KLHDC4: variants seen among roughly 807,000 people sequenced by gnomAD.
KLHDC4 encodes the protein kelch domain-containing protein 4.
KLHDC4 carries 90 observed loss-of-function variants against 62.4 expected under a neutral mutation model. The ratio of observed to expected loss-of-function variants is 1.44; its 90% confidence interval spans 1.22 to 1.72. KLHDC4 has a LOEUF of 1.72. KLHDC4 is among the 40% of genes most tolerant of loss of function. The pLI is 0.00. For synonymous variants in KLHDC4, 386 were observed against 284.4 expected (o/e 1.36, Z -3.59); for missense variants, 1,025 against 699.7 (o/e 1.47, Z -5.25).
chr16:87,739,135 C>G (rs1401047293), intron 5 of KLHDC4, among the ~76,000 whole-genome samples: 4 of 123,350 alleles, frequency 3.2e-5, no homozygotes, highest in Admixed American at 7.8e-5. Flanking sequence ...ACACCAGCAC[C>G]TCATCCATCC....
chr16:87,710,461 C>T (rs1257249911), intron 9 of KLHDC4: 1 of 152,202 alleles, frequency 6.6e-6, no homozygotes, highest in African/African-American at 2.4e-5. Flanking sequence ...AAAGGGAAAG[C>T]TCTCTGAGGT....
chr16:87,703,001 G>A (rs1273755311), downstream of KLHDC4: 2 of 152,220 alleles, frequency 1.3e-5, no homozygotes, highest in Non-Finnish European at 2.9e-5. Flanking sequence ...AAACAACACT[G>A]TCAAGATTAA....
chr16:87,705,257 G>A (rs928254199), downstream of KLHDC4, among the ~76,000 whole-genome samples: 2 of 152,256 alleles, frequency 1.3e-5, no homozygotes, highest in Admixed American at 6.5e-5. Flanking sequence ...TGGCTATCTG[G>A]CCACCAAGTA....
intron 1 of KLHDC4, among the ~76,000 whole-genome samples, chr16:87,764,910 C>T (rs1477920989): frequency 6.6e-6 from 1 of 151,060 alleles, no homozygotes; most frequent in Non-Finnish European, 1.5e-5. Context: ...GAGATGAGGA[C>T]ATGGAGAGAT....
downstream of KLHDC4, among the ~76,000 whole-genome samples, chr16:87,705,547 T>A (rs2034563479): frequency 6.6e-6 from 1 of 152,264 alleles, no homozygotes; most frequent in Admixed American, 6.5e-5. Flanking sequence ...AGTTTCTTCC[T>A]CAGGGCTGCT....
Position 87,755,172 on chromosome 16 carries a change from TGA to T in KLHDC4, c.369+20_369+21del, listed in dbSNP as rs771423035. On this transcript the variant is annotated intron_variant, in intron 4 of 11. Coordinates refer to ENST00000270583, the MANE Select transcript of KLHDC4 (RefSeq NM_017566.4). ...CCCACGTGGGAAGAGGGAGGGTGGC[TGA>T]GAGTCAGTGCTGACATTACCTGGTG... The T allele has an allele frequency of 6.5e-7, 1 of 1,534,222 alleles. No homozygotes were observed. Among genetic ancestry groups the T allele is most frequent in the East Asian group, 2.2e-5 (1 of 44,468 alleles).
intron 5 of KLHDC4, among the ~76,000 whole-genome samples, chr16:87,748,354 C>G (rs1375948973): frequency 6.6e-6 from 1 of 152,174 alleles, no homozygotes; most frequent in Non-Finnish European, 1.5e-5. Flanking sequence ...GCTGGGCACC[C>G]AGAGCTGCCT....
chr16:87,711,002 G>A (rs2035694042), intron 9 of KLHDC4: 1 of 535,344 alleles, frequency 1.9e-6, no homozygotes, highest in African/African-American at 1.9e-5. Context: ...CAGGGCAACT[G>A]GCTTCTGAGG....
chr16:87,699,245 G>A (rs2034030686), exon 1 of KLHDC4: 1 of 152,280 alleles, frequency 6.6e-6, no homozygotes. Flanking sequence ...AAGTTCAGTA[G>A]CGCACAGAAT....
chr16:87,703,264 T>C (rs1023401424), downstream of KLHDC4: 1 of 152,022 alleles, frequency 6.6e-6, no homozygotes, highest in Admixed American at 6.6e-5. Flanking sequence ...GTGAGTTCCA[T>C]GGCGTCCCCG....
chr16:87,720,093 G>C (rs1475987351), intron 7 of KLHDC4, among the ~76,000 whole-genome samples: 1 of 152,170 alleles, frequency 6.6e-6, no homozygotes, highest in Non-Finnish European at 1.5e-5. Context: ...TGTCGGCTCA[G>C]ACGCCGACCC....
exon 1 of KLHDC4, chr16:87,701,887 G>C: frequency 2.2e-6 from 1 of 456,488 alleles, no homozygotes; most frequent in Non-Finnish European, 4.4e-6. Context: ...CCCAGGGAGT[G>C]GAGGATGGGG....
exon 1 of KLHDC4, chr16:87,701,970 A>C (rs926813681): frequency 2.2e-6 from 1 of 456,072 alleles, no homozygotes; most frequent in South Asian, 1.5e-5. Context: ...CTTCTTGGTC[A>C]TCTTCCTGGG....
intron 7 of KLHDC4, among the ~76,000 whole-genome samples, chr16:87,723,929 C>T (rs957869984): frequency 6.6e-6 from 1 of 152,328 alleles, no homozygotes; most frequent in African/African-American, 2.4e-5. Flanking sequence ...CTCCGCCTCC[C>T]GGGTTCAAGT....
chr16:87,723,573 A>G (rs2038827468), intron 7 of KLHDC4, among the ~76,000 whole-genome samples: 2 of 152,268 alleles, frequency 1.3e-5, no homozygotes, highest in South Asian at 4.1e-4. Flanking sequence ...CAGAATATCT[A>G]GACAAGCCTG....
In KLHDC4 at chr16:87,711,412, C is replaced by G; in HGVS notation, c.867G>C (p.Ser289=). Residue 289 remains serine (S), a synonymous_variant, in exon 9 of 12, where the codon TCG becomes TCC. Coordinates refer to ENST00000270583, the MANE Select transcript of KLHDC4 (RefSeq NM_017566.4). ...CAGACCGTGGGGTGGGCTTGACCCC[C>G]GAAGGGTTCATCCGAGTCCAAACCC... ...DKWVWTRMNP[S]GVKPTPRSGF... 1.2e-6 allele frequency: 2 copies of G among 1,612,848 alleles called. No homozygotes were observed. The highest frequency in any genetic ancestry group is 2.2e-5 in the South Asian group (2 of 91,062).
intron 7 of KLHDC4, among the ~76,000 whole-genome samples, chr16:87,723,935 C>G (rs912892990): frequency 2.0e-5 from 3 of 152,198 alleles, no homozygotes. Flanking sequence ...CTCCCGGGTT[C>G]AAGTGATTCT....
chr16:87,707,471 G>A (rs142980549), downstream of KLHDC4, among the ~76,000 whole-genome samples: 222 of 152,212 alleles, frequency 1.5e-3, 2 homozygotes, highest in Middle Eastern at 6.8e-3. Flanking sequence ...CGAGACCCCC[G>A]TGTGCAGCCA....
intron 5 of KLHDC4, among the ~76,000 whole-genome samples, chr16:87,742,024 C>G (rs920622055): frequency 6.6e-6 from 1 of 152,198 alleles, no homozygotes; most frequent in Non-Finnish European, 1.5e-5. Flanking sequence ...ACACAGCAAT[C>G]TTCCCCAGAA....
Sources: gnomAD v4.1 joint callset for allele counts (sites outside exome capture counted in the v4.1 genomes callset) on GRCh38, gnomAD v4.1.1 for gene constraint, MANE v1.5 for transcripts, NCBI Gene and HGNC (gene_info 2026-07-23, HGNC 2026-07-21) for gene names.